The following TMEM123 variants were observed in gnomAD, a reference collection of about 807,000 sequenced individuals.
TMEM123 encodes transmembrane protein 123.
In TMEM123, 16 loss-of-function variants were observed where a neutral mutation model predicts 19.7. The ratio of observed to expected loss-of-function variants is 0.81; its 90% confidence interval spans 0.55 to 1.23. TMEM123 has a LOEUF of 1.23. Ranked by LOEUF, TMEM123 falls within the 50% of genes most tolerant of loss-of-function variation. The pLI is 0.00. For synonymous variants in TMEM123, 118 were observed against 99.4 expected (o/e 1.19, Z -1.12); for missense variants, 313 against 257.8 (o/e 1.21, Z -1.47).
chr11:102,426,859 TCCCCCCC>T lies in TMEM123; in HGVS notation c.157+21946_157+21952del, dbSNP rs57729827. Among the ~76,000 whole-genome samples, 10 of 4,136 alleles carry T rather than the reference TCCCCCCC, an allele frequency of 2.4e-3. 2 individuals carry two copies. Among genetic ancestry groups the T allele is most frequent in the African/African-American group, 6.4e-3 (10 of 1,568 alleles). The allele number at this position is 4,136 out of a possible 152,430, so 2.7% of individuals were successfully genotyped here. Reference sequence around the variant, plus strand: ...CATGGCTTAATGTTTTTAAAGTAGTTCCCCCCCCCCCCCCATTTATTGCTCAAAATCC... The same window carrying T: ...CATGGCTTAATGTTTTTAAAGTAGTTCCCCCCCATTTATTGCTCAAAATCC... On this transcript the variant is annotated intron_variant, in intron 2 of 4. Coordinates refer to ENST00000398136, the MANE Select transcript of TMEM123 (RefSeq NM_052932.3).
chr11:102,445,387 G>T (rs762240884), intron 2 of TMEM123, among the ~76,000 whole-genome samples: 1 of 152,134 alleles, frequency 6.6e-6, no homozygotes, highest in Non-Finnish European at 1.5e-5. Flanking sequence ...ATCTATCAGT[G>T]AATCAATCAA....
intron 2 of TMEM123, among the ~76,000 whole-genome samples, chr11:102,415,014 T>C (rs1251654668): frequency 9.2e-5 from 14 of 152,048 alleles, no homozygotes; most frequent in Non-Finnish European, 4.4e-5. Flanking sequence ...ATCAAGCAAA[T>C]GTAAATCAAA....
At chr11:102,418,469 A>G (rs1318986860) in intron 2 of TMEM123, among the ~76,000 whole-genome samples, 1 of 152,218 alleles carries the variant, frequency 6.6e-6, no homozygotes, top group Non-Finnish European at 1.5e-5. Context: ...CACAGTGAGA[A>G]AGCATCTCAC....
chr11:102,452,216 G>A (rs1857948852), intron 1 of TMEM123: 1 of 280,944 alleles, frequency 3.6e-6, no homozygotes, highest in African/African-American at 2.2e-5. Flanking sequence ...TAACTTCAGG[G>A]AAAGGCTGTA....
chr11:102,437,528 T>A (rs1857777146), intron 2 of TMEM123, among the ~76,000 whole-genome samples: 1 of 151,878 alleles, frequency 6.6e-6, no homozygotes, highest in African/African-American at 2.4e-5. Flanking sequence ...CACATCGCAA[T>A]AAAGAATAGC....
intron 2 of TMEM123, among the ~76,000 whole-genome samples, chr11:102,426,861 C>CCCA (rs1555056258): frequency 2.3e-5 from 1 of 42,868 alleles, no homozygotes; most frequent in Non-Finnish European, 4.7e-5. Context: ...AAAGTAGTTC[C>CCCA]CCCCCCCCCC....
chr11:102,452,033 T>C (rs1009445585), intron 1 of TMEM123, among the ~76,000 whole-genome samples: 7 of 152,218 alleles, frequency 4.6e-5, no homozygotes, highest in African/African-American at 1.7e-4. Flanking sequence ...CTAAAGATTG[T>C]AATTCATCTG....
intron 2 of TMEM123, among the ~76,000 whole-genome samples, chr11:102,405,312 A>G (rs965669271): frequency 6.6e-6 from 1 of 152,126 alleles, no homozygotes; most frequent in African/African-American, 2.4e-5. Flanking sequence ...TCAGCCTCCC[A>G]AAGTGCTGGG....
intron 2 of TMEM123, among the ~76,000 whole-genome samples, chr11:102,427,701 G>C (rs974335355): frequency 2.0e-5 from 3 of 151,718 alleles, no homozygotes; most frequent in Non-Finnish European, 4.4e-5. Flanking sequence ...AGCCAGGCGT[G>C]GTGGTACACA....
Position 102,437,477 on chromosome 11 carries a change from T to A in TMEM123, c.157+11335A>T, listed in dbSNP as rs990738110. Among the ~76,000 whole-genome samples the A allele has an allele frequency of 1.1e-3, 133 of 118,006 alleles. 2 individuals are homozygous for A. Among genetic ancestry groups the A allele is most frequent in the South Asian group, 0.01 (43 of 4,276 alleles). The allele number at this position is 118,006 out of a possible 152,430, so 77.4% of individuals were successfully genotyped here. A position where few individuals can be genotyped will look rare whatever the true frequency, so the allele number is the denominator to read the frequency against. Reference sequence around the variant, plus strand: ...TATCTCAAAAAAAAAAAAAAAAAATTTTTTTTACGTTTAAAATGTTAAATG... The same window carrying A: ...TATCTCAAAAAAAAAAAAAAAAAATATTTTTTACGTTTAAAATGTTAAATG... On this transcript the variant is annotated intron_variant, in intron 2 of 4. Transcript: ENST00000398136.
At chr11:102,438,733 G>A (rs1191930416) in intron 2 of TMEM123, among the ~76,000 whole-genome samples, 1 of 152,206 alleles carries the variant, frequency 6.6e-6, no homozygotes, top group African/African-American at 2.4e-5. Flanking sequence ...TCATCTCACT[G>A]GGGCTTGTCG....
chr11:102,440,574 C>G (rs564417962), intron 2 of TMEM123, among the ~76,000 whole-genome samples: 1 of 152,130 alleles, frequency 6.6e-6, no homozygotes, highest in East Asian at 1.9e-4. Context: ...AAGGAACAAC[C>G]GTACCAGCCA....
intron 2 of TMEM123, among the ~76,000 whole-genome samples, chr11:102,426,863 C>CCCCT (rs1555056268): frequency 1.9e-5 from 1 of 53,668 alleles, no homozygotes; most frequent in African/African-American, 6.7e-5. Flanking sequence ...AGTAGTTCCC[C>CCCCT]CCCCCCCCCC....
chr11:102,406,868 C>CAA (rs61413300), intron 2 of TMEM123, among the ~76,000 whole-genome samples: 5,962 of 86,196 alleles, frequency 0.069, 192 homozygotes, highest in Non-Finnish European at 0.099. Flanking sequence ...GAGGCTCCGT[C>CAA]AAAAAAAAAA....
chr11:102,420,795 T>G (rs1167920889), intron 2 of TMEM123, among the ~76,000 whole-genome samples: 1 of 152,144 alleles, frequency 6.6e-6, no homozygotes, highest in Non-Finnish European at 1.5e-5. Flanking sequence ...CCGGGCCTGG[T>G]GGCTCACTTT....
chr11:102,422,006 C>T (rs1172594101), intron 2 of TMEM123, among the ~76,000 whole-genome samples: 1 of 152,104 alleles, frequency 6.6e-6, no homozygotes, highest in Non-Finnish European at 1.5e-5. Context: ...GCCTGGTGCT[C>T]TTGTCATTAG....
intron 2 of TMEM123, among the ~76,000 whole-genome samples, chr11:102,427,199 T>C (rs1288940018): frequency 6.6e-6 from 1 of 152,020 alleles, no homozygotes; most frequent in Non-Finnish European, 1.5e-5. Flanking sequence ...GGCTTTTGTT[T>C]AGTTTCTTAA....
chr11:102,403,398 A>AG (rs1951929422), intron 2 of TMEM123, among the ~76,000 whole-genome samples: 1 of 152,248 alleles, frequency 6.6e-6, no homozygotes, highest in Non-Finnish European at 1.5e-5. Flanking sequence ...TATAACCAGA[A>AG]GCAAACCTTT....
intron 1 of TMEM123, among the ~76,000 whole-genome samples, chr11:102,450,036 C>A (rs1394128369): frequency 6.6e-6 from 1 of 152,124 alleles, no homozygotes; most frequent in Non-Finnish European, 1.5e-5. Context: ...AACCCCAAAA[C>A]CAAGAGGTCA....
Sources: allele counts gnomAD v4.1 joint callset (sites outside exome capture counted in the v4.1 genomes callset), GRCh38; gene constraint gnomAD v4.1.1; transcripts MANE v1.5; gene names NCBI Gene and HGNC (gene_info 2026-07-23, HGNC 2026-07-21).